The following UROC1 variants were observed in gnomAD, a reference collection of about 807,000 sequenced individuals.
The protein encoded by UROC1 is urocanate hydratase.
UROC1 carries 79 observed loss-of-function variants against 89.5 expected under a neutral mutation model. The ratio of observed to expected loss-of-function variants is 0.88; its 90% confidence interval spans 0.74 to 1.06. The LOEUF is 1.06. Ranked by LOEUF, UROC1 falls within the 50% of genes least tolerant of loss-of-function variation. UROC1 has a pLI of 0.00. For synonymous variants in UROC1, 361 were observed against 354.8 expected, an observed-to-expected ratio of 1.02 and a Z score of -0.20; for missense variants, 885 against 907.8, an observed-to-expected ratio of 0.97 and a Z score of 0.32.
At chr3:126,508,660 T>C (rs568213383) in intron 3 of UROC1, among the ~76,000 whole-genome samples, 185 bp from the exon 4 acceptor site, 33 of 151,920 alleles carry the variant, frequency 2.2e-4, no homozygotes, top group African/African-American at 7.7e-4. Flanking sequence ...GGAGCAAGGG[T>C]TCAGCTTGGG....
rs143914676 is a variant in UROC1, at chr3:126,510,695, T to C, written c.226A>G (p.Met76Val). ...TCAATGTCGGGGCAAAACCGGTACA[T>C]GTAGATGTGTCCGTACAGTTGCAGC... ...QELQLYGHIY[M>V]YRFCPDIEMR... is the part of the protein sequence containing the mutation. Residue 76 changes from methionine (M) to valine (V), a missense_variant, in exon 2 of 20, where the codon ATG (methionine) becomes GTG (valine). Coordinates refer to ENST00000290868, the MANE Select transcript of UROC1 (RefSeq NM_144639.3). 5.0e-6 allele frequency: 8 copies of C among 1,614,000 alleles called. No individual in the cohort carries two copies. In the African/African-American group the frequency reaches 5.3e-5, roughly 11 times the overall value.
Position 126,500,766 on chromosome 3 carries a change from C to A in UROC1, c.1074G>T (p.Gln358His). 1 of 1,614,132 alleles carries A rather than the reference C, an allele frequency of 6.2e-7. No individual in the cohort carries two copies. Among genetic ancestry groups the A allele is most frequent in the East Asian group, 2.2e-5 (1 of 44,872 alleles). ...GGCTCTGGGCCTCCGTGAAGCTGAG[C>A]TGCACAGGGTAGTAGCCGCCATTGA... ...NPFNGGYYPV[Q>H]LSFTEAQSLM... The change falls in exon 11 of 20, where the codon CAG (glutamine) becomes CAT (histidine). Residue 358 changes from glutamine (Q) to histidine (H), a missense_variant. Physicochemically the swap from Gln to His is conservative, Grantham distance 24 (BLOSUM62 0). Coordinates refer to ENST00000290868, the MANE Select transcript of UROC1 (RefSeq NM_144639.3).
At chr3:126,494,260 T>C (rs1409351769) in intron 15 of UROC1, among the ~76,000 whole-genome samples, 4 of 152,144 alleles carry the variant, frequency 2.6e-5, no homozygotes, top group Admixed American at 1.3e-4. Context: ...GGACTTTAAG[T>C]CAAAGCAGAC....
chr3:126,509,222 TGA>T (rs1181340127), intron 3 of UROC1, among the ~76,000 whole-genome samples: 1 of 147,958 alleles, frequency 6.8e-6, no homozygotes, highest in African/African-American at 2.5e-5. Context: ...GGCCACAGAG[TGA>T]GACCCTGTCT....
At chr3:126,484,326 G>A (rs930091790) in intron 18 of UROC1, among the ~76,000 whole-genome samples, 4 of 152,038 alleles carry the variant, frequency 2.6e-5, no homozygotes, top group East Asian at 1.9e-4. Context: ...ATTCACCTAC[G>A]AGCTGCTGCC....
At chr3:126,497,679 C>G (rs1281575315) in intron 14 of UROC1, among the ~76,000 whole-genome samples, 2 of 152,242 alleles carry the variant, frequency 1.3e-5, no homozygotes, top group East Asian at 3.9e-4. Flanking sequence ...TGGCCCCGGC[C>G]ACTGCTGCCT....
chr3:126,514,085 C>T (rs1454703520), intron 1 of UROC1, among the ~76,000 whole-genome samples: 2 of 152,218 alleles, frequency 1.3e-5, no homozygotes, highest in Non-Finnish European at 2.9e-5. Context: ...CCACCTCTTC[C>T]AAGAAGTCCT....
intron 1 of UROC1, among the ~76,000 whole-genome samples, chr3:126,512,563 G>A (rs1340052733): frequency 6.6e-6 from 1 of 151,944 alleles, no homozygotes; most frequent in Non-Finnish European, 1.5e-5. Flanking sequence ...CCATCTTTAC[G>A]AAAAATAAAA....
At chr3:126,503,143 T>C (rs1373167507) in intron 9 of UROC1, among the ~76,000 whole-genome samples, 1 of 152,238 alleles carries the variant, frequency 6.6e-6, no homozygotes, top group Admixed American at 6.5e-5. Flanking sequence ...GTGGAATTTC[T>C]TCTATCATTG....
chr3:126,492,588 C>T (rs567119770), intron 15 of UROC1, 72 bp from the exon 16 acceptor site: 2 of 1,201,766 alleles, frequency 1.7e-6, no homozygotes, highest in African/African-American at 1.5e-5. Flanking sequence ...TGCAGGGAGA[C>T]ACGGGTGGCA....
chr3:126,485,595 A>ATT (rs372817173), intron 18 of UROC1, among the ~76,000 whole-genome samples: 32 of 134,712 alleles, frequency 2.4e-4, no homozygotes, highest in Non-Finnish European at 2.6e-4. Context: ...CCATTTATTT[A>ATT]TTTATTTTTT....
rs1337817520 is a variant in UROC1 at position 126,500,270 on chromosome 3, T to C, written c.1146-116A>G. 3.0e-6 allele frequency: 3 copies of C among 987,418 alleles called. No individual in the cohort carries two copies. In the African/African-American group the frequency reaches 4.8e-5, roughly 16 times the overall value. 61.2% of individuals were successfully genotyped at this position (987,418 alleles called of 1,614,324 possible). On this transcript the variant is annotated intron_variant, in intron 11 of 19. Coordinates refer to ENST00000290868, the MANE Select transcript of UROC1 (RefSeq NM_144639.3). ...CAACTTCCAGCCCCACTGCCTGGAC[T>C]GCTCCTGCTCCTCGGGTCGGCACCA...
chr3:126,501,673 G>A (rs1935926018), intron 9 of UROC1: 2 of 1,225,756 alleles, frequency 1.6e-6, no homozygotes, highest in East Asian at 4.8e-5. Flanking sequence ...AATAGGACAG[G>A]AAAAATCAAA....
chr3:126,510,660 T>C lies in UROC1; in HGVS notation c.257+4A>G. 2.5e-6 allele frequency: 4 copies of C among 1,613,986 alleles called. No individual in the cohort carries two copies. Among genetic ancestry groups the C allele is most frequent in the Non-Finnish European group, 3.4e-6 (4 of 1,180,018 alleles). ...CCCTTTGAAGCTGTACCCACAAGGC[T>C]GACCTCATTTCAATGTCGGGGCAAA... On this transcript the variant is annotated splice_donor_region_variant and intron_variant, in intron 2 of 19. Coordinates refer to ENST00000290868, the MANE Select transcript of UROC1 (RefSeq NM_144639.3).
chr3:126,514,841 A>C (rs1384588290), intron 1 of UROC1, among the ~76,000 whole-genome samples: 1 of 152,020 alleles, frequency 6.6e-6, no homozygotes, highest in Non-Finnish European at 1.5e-5. Flanking sequence ...TCTTCAGCTT[A>C]CAAATGCCAA....
At chr3:126,497,933 T>C in intron 14 of UROC1, 118 bp downstream of exon 14, 2 of 1,575,382 alleles carry the variant, frequency 1.3e-6, no homozygotes, top group Non-Finnish European at 1.7e-6. Context: ...CAAAGTCATC[T>C]GCGCCCAGGT....
intron 16 of UROC1, among the ~76,000 whole-genome samples, chr3:126,491,909 G>C (rs551041342): frequency 3.9e-5 from 6 of 152,266 alleles, no homozygotes; most frequent in Admixed American, 3.9e-4. Context: ...GGCTCGGAGA[G>C]GGCTACGGAC....
chr3:126,497,327 T>A (rs1381144194), intron 14 of UROC1, among the ~76,000 whole-genome samples: 1 of 152,002 alleles, frequency 6.6e-6, no homozygotes, highest in Non-Finnish European at 1.5e-5. Context: ...AGAGGAAGTG[T>A]CATAAAATAA....
chr3:126,499,443 G>T (rs750385238), intron 12 of UROC1, 34 bp from the exon 13 acceptor site: 1 of 1,597,332 alleles, frequency 6.3e-7, no homozygotes, highest in Non-Finnish European at 8.5e-7. Flanking sequence ...ACCACCCAAG[G>T]CAGGACACCC....
Sources: gnomAD v4.1 joint callset for allele counts (sites outside exome capture counted in the v4.1 genomes callset) on GRCh38, gnomAD v4.1.1 for gene constraint, MANE v1.5 for transcripts, NCBI Gene and HGNC (gene_info 2026-07-23, HGNC 2026-07-21) for gene names.